The following RNF214 variants were observed in gnomAD, a reference collection of about 807,000 sequenced individuals.
The protein encoded by RNF214 is ring finger protein 214.
In RNF214, 25 loss-of-function variants were observed where a neutral mutation model predicts 75.9. That is an observed-to-expected ratio of 0.33 (90% CI 0.24 to 0.46). The LOEUF is 0.46. Ranked by LOEUF, RNF214 falls within the 20% of genes least tolerant of loss-of-function variation. RNF214 has a pLI of 1.00. For synonymous variants in RNF214, 314 were observed against 308.8 expected (o/e 1.02, Z -0.18); for missense variants, 725 against 857.5 (o/e 0.85, Z 1.93).
At position 117,281,547 on chromosome 11, in the gene RNF214, T is replaced by TTAG. The variant is rs2034127306; in HGVS notation, c.1237-52_1237-51insAGT. 2.0e-6 allele frequency: 3 copies of TTAG among 1,481,108 alleles called. No individual in the cohort carries two copies. In the East Asian group the frequency reaches 6.8e-5, roughly 33 times the overall value. 91.7% of individuals were successfully genotyped at this position (1,481,108 alleles called of 1,614,324 possible). A position where few individuals can be genotyped will look rare whatever the true frequency, so the allele number is the denominator to read the frequency against. On this transcript the variant is annotated intron_variant, in intron 9 of 14. Coordinates refer to ENST00000300650, the MANE Select transcript of RNF214 (RefSeq NM_207343.4). ...TTCCTGATAATGGATGGTGCTGTCT[T>TTAG]TCTAGAGAGCCTGAGTCAGTTCAGC...
At chr11:117,254,286 T>C (rs2033469574) in intron 6 of RNF214, among the ~76,000 whole-genome samples, 1 of 152,024 alleles carries the variant, frequency 6.6e-6, no homozygotes, top group South Asian at 2.1e-4. Flanking sequence ...TAAATTAAAA[T>C]TGAGGCCAGG....
At chr11:117,243,520 A>G (rs1188701586) in intron 4 of RNF214, among the ~76,000 whole-genome samples, 1 of 152,162 alleles carries the variant, frequency 6.6e-6, no homozygotes, top group Non-Finnish European at 1.5e-5. Flanking sequence ...TTCTTTGAAA[A>G]TGGTTATTAT....
At chr11:117,235,616 C>T (rs188735804) in intron 2 of RNF214, among the ~76,000 whole-genome samples, 27 of 151,700 alleles carry the variant, frequency 1.8e-4, no homozygotes, top group Middle Eastern at 3.4e-3. Context: ...CCTGGATTCC[C>T]TTACCTCAGC....
Position 117,252,687 on chromosome 11 carries a change from A to AT in RNF214, c.959+5745dup, listed in dbSNP as rs562544428. Reference sequence around the variant, plus strand: ...ATGTGCCTGCCACCACGCCCAGCTCATTTTTTGTATTTTTAGTAGAGACGG... The same window carrying AT: ...ATGTGCCTGCCACCACGCCCAGCTCATTTTTTTGTATTTTTAGTAGAGACGG... On this transcript the variant is annotated intron_variant, in intron 6 of 14. Transcript: ENST00000300650. 6.3e-3 allele frequency among the ~76,000 whole-genome samples: 957 copies of AT among 151,888 alleles called. 7 individuals are homozygous for AT. The highest frequency in any genetic ancestry group is 0.02 in the African/African-American group (837 of 41,418).
At chr11:117,253,968 T>C (rs1361238634) in intron 6 of RNF214, among the ~76,000 whole-genome samples, 1 of 152,070 alleles carries the variant, frequency 6.6e-6, no homozygotes, top group Non-Finnish European at 1.5e-5. Flanking sequence ...TAAGAGTCTA[T>C]GTTGGCTGGG....
chr11:117,249,315 ATCT>A (rs2033310584), intron 6 of RNF214, among the ~76,000 whole-genome samples: 1 of 152,022 alleles, frequency 6.6e-6, no homozygotes, highest in African/African-American at 2.4e-5. Flanking sequence ...TACCTTTTCC[ATCT>A]GATTGAATTG....
intron 6 of RNF214, among the ~76,000 whole-genome samples, chr11:117,272,020 C>T (rs1272574420): frequency 1.3e-5 from 2 of 152,098 alleles, no homozygotes; most frequent in African/African-American, 4.8e-5. Flanking sequence ...TGCCATGTTG[C>T]CCAGGCTAGT....
At chr11:117,235,413 G>T (rs1409509016) in intron 2 of RNF214, among the ~76,000 whole-genome samples, 1 of 151,310 alleles carries the variant, frequency 6.6e-6, no homozygotes, top group Non-Finnish European at 1.5e-5. Flanking sequence ...AGCCAGGATG[G>T]TCTCGATCTC....
At chr11:117,245,826 A>C (rs2033211017) in intron 5 of RNF214, among the ~76,000 whole-genome samples, 1 of 152,208 alleles carries the variant, frequency 6.6e-6, no homozygotes, top group South Asian at 2.1e-4. Context: ...ACAACAAAGA[A>C]ATGCATACCT....
intron 6 of RNF214, among the ~76,000 whole-genome samples, chr11:117,255,790 G>A (rs2033506293): frequency 6.6e-6 from 1 of 152,112 alleles, no homozygotes; most frequent in South Asian, 2.1e-4. Context: ...GAGTACCAAG[G>A]TGGGCTCCTA....
chr11:117,251,696 G>A (rs938242332), intron 6 of RNF214, among the ~76,000 whole-genome samples: 1 of 152,158 alleles, frequency 6.6e-6, no homozygotes, highest in African/African-American at 2.4e-5. Context: ...CCGGCAGGGG[G>A]CTCAGAGATG....
At chr11:117,246,241 G>A (rs895023031) in intron 5 of RNF214, among the ~76,000 whole-genome samples, 7 of 151,398 alleles carry the variant, frequency 4.6e-5, no homozygotes, top group Non-Finnish European at 8.8e-5. Context: ...AAGGATTATA[G>A]GCATGAGCTA....
chr11:117,234,746 A>G (rs926109113), intron 2 of RNF214, among the ~76,000 whole-genome samples: 12 of 152,260 alleles, frequency 7.9e-5, no homozygotes, highest in Non-Finnish European at 1.6e-4. Flanking sequence ...ACATACAGAT[A>G]CACAATTACC....
At chr11:117,240,800 C>A (rs184807971) in intron 4 of RNF214, among the ~76,000 whole-genome samples, 2 of 151,702 alleles carry the variant, frequency 1.3e-5, no homozygotes, top group Non-Finnish European at 2.9e-5. Flanking sequence ...CTAGCACTTT[C>A]AGAGGCTGAG....
chr11:117,277,968 C>G (rs2034047758), intron 6 of RNF214, among the ~76,000 whole-genome samples: 1 of 148,518 alleles, frequency 6.7e-6, no homozygotes, highest in Admixed American at 6.8e-5. Context: ...ATAGAGACTC[C>G]CTCTCAAAAA....
At chr11:117,269,973 T>A (rs913264648) in intron 6 of RNF214, among the ~76,000 whole-genome samples, 1 of 152,198 alleles carries the variant, frequency 6.6e-6, no homozygotes, top group Non-Finnish European at 1.5e-5. Context: ...AAGTCTTACC[T>A]GGACGTGTTG....
intron 5 of RNF214, 143 bp downstream of exon 5, chr11:117,244,728 T>C: frequency 1.7e-6 from 1 of 588,216 alleles, no homozygotes; most frequent in Non-Finnish European, 2.7e-6. Context: ...TGTGGTAGCA[T>C]AATCTTGGCT....
intron 6 of RNF214, among the ~76,000 whole-genome samples, chr11:117,279,294 A>AACTTTATTTT (rs1018976876): frequency 1.3e-5 from 2 of 149,982 alleles, no homozygotes; most frequent in African/African-American, 2.5e-5. Flanking sequence ...TGCTGTAGGT[A>AACTTTATTTT]ACTTTATTTT....
intron 6 of RNF214, among the ~76,000 whole-genome samples, chr11:117,267,901 A>G (rs1234756969): frequency 6.6e-6 from 1 of 152,234 alleles, no homozygotes; most frequent in Non-Finnish European, 1.5e-5. Flanking sequence ...TGCATCCCAG[A>G]AAACCTCTCA....
Sources: gnomAD v4.1 joint callset for allele counts (sites outside exome capture counted in the v4.1 genomes callset) on GRCh38, gnomAD v4.1.1 for gene constraint, MANE v1.5 for transcripts, NCBI Gene and HGNC (gene_info 2026-07-23, HGNC 2026-07-21) for gene names.